The following SGCG variants were observed in gnomAD, a reference collection of about 807,000 sequenced individuals.
SGCG encodes gamma-sarcoglycan.
Under a neutral mutation model 29.3 loss-of-function variants are expected in SGCG, and 26 were observed. The ratio of observed to expected loss-of-function variants is 0.89; its 90% CI spans 0.65 to 1.23. The LOEUF (loss-of-function observed/expected upper bound fraction) is 1.23. SGCG is among the 50% of genes most tolerant of loss of function. The pLI, the probability that SGCG is intolerant of heterozygous loss-of-function variation, is 0.00. For synonymous variants in SGCG, 145 were observed against 129.7 expected (o/e 1.12, Z -0.80); for missense variants, 353 against 356.0 (o/e 0.99, Z 0.07).
intron 2 of SGCG, among the ~76,000 whole-genome samples, chr13:23,233,317 A>G (rs565167459): frequency 1.3e-5 from 2 of 152,360 alleles, no homozygotes; most frequent in South Asian, 4.1e-4. Context: ...TCAGCCACAA[A>G]AAGATAAATA....
chr13:23,253,112 TG>T (rs143256563), intron 4 of SGCG, among the ~76,000 whole-genome samples: 9,494 of 152,232 alleles, frequency 0.062, 417 homozygotes, highest in Admixed American at 0.14. Flanking sequence ...GCTGGGTCAG[TG>T]GCTCACTCCC....
chr13:23,204,009 C>A (rs1268576528), intron 2 of SGCG, 120 bp downstream of exon 2: 1 of 809,926 alleles, frequency 1.2e-6, no homozygotes, highest in East Asian at 2.5e-5. Context: ...CTGTCTGGCT[C>A]TGAATTTCAG....
chr13:23,297,865 C>T (rs1246597105), intron 6 of SGCG, among the ~76,000 whole-genome samples: 1 of 151,610 alleles, frequency 6.6e-6, no homozygotes, highest in Non-Finnish European at 1.5e-5. Context: ...CTGCCTCAGC[C>T]TCCTGAGTAG....
chr13:23,214,029 A>G (rs1004530318), intron 2 of SGCG, among the ~76,000 whole-genome samples: 3 of 152,208 alleles, frequency 2.0e-5, no homozygotes, highest in African/African-American at 7.2e-5. Flanking sequence ...ATAAACAGAA[A>G]TTGACCCTTC....
chr13:23,249,582 CAAAAT>C (rs1407254077), intron 3 of SGCG, among the ~76,000 whole-genome samples: 6 of 151,896 alleles, frequency 4.0e-5, no homozygotes, highest in Non-Finnish European at 8.8e-5. Flanking sequence ...AAAACCCAAA[CAAAAT>C]AAAAGCAACA....
chr13:23,261,284 C>A (rs758442530), intron 4 of SGCG, among the ~76,000 whole-genome samples: 1 of 151,370 alleles, frequency 6.6e-6, no homozygotes, highest in Non-Finnish European at 1.5e-5. Context: ...AAAAAAAAAT[C>A]TCTAAAGAGA....
chr13:23,234,736 A>G lies in SGCG; in HGVS notation c.297+24A>G, dbSNP rs774579384. ...TGGTAAGAAAATGTTAAGACAAATA[A>G]TTTGTGCTTTATGAAAAATAAATCA... On this transcript the variant is annotated intron_variant, in intron 3 of 7. Transcript: ENST00000218867. 6.9e-6 allele frequency: 10 copies of G among 1,440,696 alleles called. No individual in the cohort carries two copies. In the Admixed American group the frequency reaches 1.7e-4, roughly 24 times the overall value. The allele number at this position is 1,440,696 out of a possible 1,614,324, so 89.2% of individuals were successfully genotyped here.
At chr13:23,168,368 A>C in the SGCG span, among the ~76,000 whole-genome samples, 2 of 152,148 alleles carry the variant, frequency 1.3e-5, no homozygotes, top group African/African-American at 4.8e-5. Context: ...TTTTCCCTAA[A>C]CTATAATATA....
At chr13:23,252,472 A>G (rs1198826108) in intron 4 of SGCG, among the ~76,000 whole-genome samples, 1 of 152,026 alleles carries the variant, frequency 6.6e-6, no homozygotes, top group Non-Finnish European at 1.5e-5. Context: ...TGGGTGGATC[A>G]TGAGGTCAGG....
chr13:23,199,766 T>C (rs1877664085), intron 1 of SGCG, among the ~76,000 whole-genome samples: 1 of 152,098 alleles, frequency 6.6e-6, no homozygotes, highest in Admixed American at 6.6e-5. Flanking sequence ...GATTGGTAAA[T>C]ACAGCTCAAA....
intron 2 of SGCG, among the ~76,000 whole-genome samples, chr13:23,212,935 T>C (rs1180464943): frequency 1.3e-5 from 2 of 152,192 alleles, no homozygotes; most frequent in East Asian, 3.9e-4. Context: ...TATTATCTCC[T>C]TTGTAATGTT....
At chr13:23,162,188 A>G in the SGCG span, among the ~76,000 whole-genome samples, 1 of 152,232 alleles carries the variant, frequency 6.6e-6, no homozygotes, top group Non-Finnish European at 1.5e-5. Flanking sequence ...GGTTGGTAAT[A>G]TTTAAGATCA....
At chr13:23,179,355 G>A (rs992522536), upstream of SGCG, among the ~76,000 whole-genome samples, 3 of 152,132 alleles carry the variant, frequency 2.0e-5, no homozygotes, top group African/African-American at 7.2e-5. Context: ...TATGAGTGGG[G>A]ATCAAACACA....
intron 1 of SGCG, among the ~76,000 whole-genome samples, chr13:23,188,451 G>C (rs1877087385): frequency 6.7e-6 from 1 of 148,894 alleles, no homozygotes; most frequent in African/African-American, 2.5e-5. Flanking sequence ...TCAGTCTCTG[G>C]AGTAGTTGGG....
chr13:23,226,974 A>G (rs551288476), intron 2 of SGCG, among the ~76,000 whole-genome samples: 3 of 152,200 alleles, frequency 2.0e-5, no homozygotes, highest in Non-Finnish European at 4.4e-5. Flanking sequence ...ACAATGAATC[A>G]TGTCAGTTTT....
chr13:23,304,604 T>G (rs1279395414), intron 6 of SGCG, among the ~76,000 whole-genome samples: 1 of 151,858 alleles, frequency 6.6e-6, no homozygotes, highest in East Asian at 1.9e-4. Flanking sequence ...TTTTTTTTTT[T>G]GGCGGCGGGG....
At chr13:23,279,527 G>A (rs1389911253) in intron 5 of SGCG, 49 bp downstream of exon 5, 10 of 1,575,574 alleles carry the variant, frequency 6.3e-6, no homozygotes, top group Non-Finnish European at 8.7e-6. Flanking sequence ...GTACACATCT[G>A]CAAAAACACA....
Position 23,227,315 on chromosome 13 carries a change from G to GA in SGCG, c.196-7282dup, listed in dbSNP as rs11330528. 6.0e-3 allele frequency among the ~76,000 whole-genome samples: 769 copies of GA among 128,766 alleles called. 5 individuals carry two copies. The highest frequency in any genetic ancestry group is 9.6e-3 in the Non-Finnish European group (587 of 60,926). The allele number at this position is 128,766 out of a possible 152,430, so 84.5% of individuals were successfully genotyped here. On this transcript the variant is annotated intron_variant, in intron 2 of 7. Coordinates refer to ENST00000218867, the MANE Select transcript of SGCG (RefSeq NM_000231.3). ...TTCATTATACACCTATTAAGAATGG[G>GA]AAAAAAAAAAAAAACAAAAACCTGG...
At chr13:23,193,293 T>C (rs1449402805) in intron 1 of SGCG, among the ~76,000 whole-genome samples, 1 of 152,212 alleles carries the variant, frequency 6.6e-6, no homozygotes, top group Non-Finnish European at 1.5e-5. Flanking sequence ...AAGCTTCATC[T>C]GACATGCAGT....
Sources: gnomAD v4.1 joint callset for allele counts (sites outside exome capture counted in the v4.1 genomes callset) on GRCh38, gnomAD v4.1.1 for gene constraint, MANE v1.5 for transcripts, NCBI Gene and HGNC (gene_info 2026-07-23, HGNC 2026-07-21) for gene names.